Variants in FAT4 observed in about 807,000 individuals in gnomAD.
The protein encoded by FAT4 is FAT atypical cadherin 4, also known as protocadherin Fat 4.
In FAT4, 84 loss-of-function variants were observed where a neutral mutation model predicts 303.9. The ratio of observed to expected loss-of-function variants is 0.28; its 90% CI spans 0.23 to 0.33. The LOEUF is 0.33. Among genes scored for constraint, FAT4 ranks in the 10% least tolerant of loss-of-function variants. The pLI, the probability that FAT4 is intolerant of heterozygous loss-of-function variation, is 1.00. For missense variants in FAT4, 6,005 were observed against 6,146.8 expected, an observed-to-expected ratio of 0.98 and a Z score of 0.77; for synonymous variants, 2,307 against 2,298.8, an observed-to-expected ratio of 1.00 and a Z score of -0.10.
intron 2 of FAT4, among the ~76,000 whole-genome samples, chr4:125,376,975 T>C (rs1733351327): frequency 6.6e-6 from 1 of 152,168 alleles, no homozygotes; most frequent in South Asian, 2.1e-4. Context: ...TTTGCATTTG[T>C]AGGCAGTCAG....
At chr4:125,402,237 A>G (rs545291452) in intron 3 of FAT4, among the ~76,000 whole-genome samples, 5 of 152,072 alleles carry the variant, frequency 3.3e-5, no homozygotes, top group Admixed American at 2.0e-4. Flanking sequence ...ATATCAAACC[A>G]TTTTTGTAAT....
At chr4:125,413,374 T>C (rs1734919012) in intron 5 of FAT4, among the ~76,000 whole-genome samples, 2 of 151,856 alleles carry the variant, frequency 1.3e-5, no homozygotes, top group Non-Finnish European at 3.0e-5. Context: ...AACTTTGTAA[T>C]CTCTTCCTTG....
intron 2 of FAT4, among the ~76,000 whole-genome samples, chr4:125,368,369 G>T (rs1187511324): frequency 6.6e-6 from 1 of 151,718 alleles, no homozygotes; most frequent in East Asian, 1.9e-4. Context: ...ATATGAAAAA[G>T]ACAAAGAAAA....
At chr4:125,434,463 TCATTAAA>T (rs768542998) in intron 8 of FAT4, 38 bp downstream of exon 8, 1 of 1,574,392 alleles carries the variant, frequency 6.4e-7, no homozygotes, top group Non-Finnish European at 8.7e-7. Context: ...GTCTGTTTTC[TCATTAAA>T]CATTAGTTTT....
chr4:125,395,855 A>C (rs1420701769), intron 2 of FAT4, among the ~76,000 whole-genome samples: 2 of 152,154 alleles, frequency 1.3e-5, no homozygotes. Flanking sequence ...TACTAAAGCA[A>C]AAAGAAAGAC....
intron 8 of FAT4, among the ~76,000 whole-genome samples, chr4:125,437,678 T>C (rs1469055414): frequency 6.6e-6 from 1 of 152,184 alleles, no homozygotes; most frequent in Admixed American, 6.6e-5. Context: ...TTTCTTTTAC[T>C]TGTCTTATAC....
intron 7 of FAT4, among the ~76,000 whole-genome samples, chr4:125,430,380 A>G (rs1271636872): frequency 3.9e-5 from 6 of 152,076 alleles, no homozygotes; most frequent in African/African-American, 1.2e-4. Context: ...TGTAAAGCTG[A>G]TTTGGAGGTT....
intron 2 of FAT4, among the ~76,000 whole-genome samples, chr4:125,346,285 C>T (rs1218932101): frequency 6.6e-6 from 1 of 151,950 alleles, no homozygotes; most frequent in Non-Finnish European, 1.5e-5. Flanking sequence ...AAAGCGGTAG[C>T]AGTGTTTTCC....
Position 125,481,534 on chromosome 4 carries a change from C to T in FAT4, c.12618C>T (p.Asp4206=), listed in dbSNP as rs1240642298. The change falls in exon 16 of 18, where the codon GAC becomes GAT. Residue 4206 remains aspartate, a synonymous_variant. Transcript: ENST00000394329. ...GKYCEKSVTP[D]TALSLEGKGR... is the part of the protein sequence containing the mutation. Reference sequence around the variant, plus strand: ...TTTGACTTCCAGCTGTTACTCCTGACACTGCCTTATCATTAGAAGGCAAAG... The same window carrying T: ...TTTGACTTCCAGCTGTTACTCCTGATACTGCCTTATCATTAGAAGGCAAAG... The T allele has an allele frequency of 6.2e-7, 1 of 1,613,892 alleles. No individual in the cohort carries two copies. Among genetic ancestry groups the T allele is most frequent in the Non-Finnish European group, 8.5e-7 (1 of 1,179,866 alleles).
intron 10 of FAT4, among the ~76,000 whole-genome samples, chr4:125,457,105 A>G (rs1726306373): frequency 6.7e-6 from 1 of 148,180 alleles, no homozygotes; most frequent in African/African-American, 2.5e-5. Context: ...GCCACTACCC[A>G]TACCCAGTTT....
At chr4:125,384,741 A>G (rs1283009623) in intron 2 of FAT4, among the ~76,000 whole-genome samples, 1 of 151,862 alleles carries the variant, frequency 6.6e-6, no homozygotes, top group Non-Finnish European at 1.5e-5. Context: ...CATGTAGTGT[A>G]ATTTTGGTTT....
chr4:125,415,538 G>A lies in FAT4; in HGVS notation c.6575G>A (p.Gly2192Asp), dbSNP rs752648220. Residue 2192 changes from glycine to aspartate, a missense_variant, in exon 6 of 18, where the codon GGC becomes GAC. By Grantham distance (94) the Gly-to-Asp change is moderately conservative. Coordinates refer to ENST00000394329, the MANE Select transcript of FAT4 (RefSeq NM_001291303.3). The part of the protein sequence containing the change: ...DEGTNGQVRY[G>D]IVNGNTNQEF... ...GGCACAAATGGACAGGTTCGCTATG[G>A]CATTGTTAATGGTAATACCAATCAG... The A allele has an allele frequency of 1.2e-5, 19 of 1,613,978 alleles. No homozygotes were observed. The African/African-American group carries it at 2.3e-4, about 19-fold the overall frequency.
chr4:125,472,871 C>A (rs1375295698), intron 12 of FAT4, among the ~76,000 whole-genome samples: 1 of 152,044 alleles, frequency 6.6e-6, no homozygotes, highest in Admixed American at 6.6e-5. Context: ...CATTCAGGGT[C>A]CTACCAGGTT....
intron 2 of FAT4, among the ~76,000 whole-genome samples, chr4:125,360,588 C>T (rs181828753): frequency 1.4e-3 from 209 of 152,276 alleles, no homozygotes; most frequent in Non-Finnish European, 2.6e-3. Context: ...TAAACAGTTA[C>T]TGTTCTCAAG....
intron 14 of FAT4, among the ~76,000 whole-genome samples, chr4:125,478,996 C>G (rs545545901): frequency 2.2e-4 from 33 of 152,188 alleles, no homozygotes; most frequent in African/African-American, 7.2e-4. Context: ...AACTATTCTT[C>G]TTCTTGTGCC....
rs747689582 is a variant in FAT4 at position 125,318,826 on chromosome 4, C to A, written c.2415C>A (p.Asn805Lys). 3 of 1,614,134 alleles carry A rather than the reference C, an allele frequency of 1.9e-6. No individual in the cohort carries two copies. The highest frequency in any genetic ancestry group is 2.5e-6 in the Non-Finnish European group (3 of 1,180,040). The change falls in exon 2 of 18, where the codon AAC becomes AAA. Residue 805 changes from asparagine (N) to lysine (K), a missense_variant. By Grantham distance (94) the Asn-to-Lys change is moderately conservative. Transcript: ENST00000394329. ...CCTACAGCTTTGTGGTTTTTGAGAACGTGGCGCTGGGATATCATGTGGGTA... is the reference window on the plus strand; with the variant it reads ...CCTACAGCTTTGTGGTTTTTGAGAAAGTGGCGCTGGGATATCATGTGGGTA... ...QVAYSFVVFE[N>K]VALGYHVGSV...
chr4:125,372,681 A>C (rs1378600839), intron 2 of FAT4, among the ~76,000 whole-genome samples: 1 of 152,170 alleles, frequency 6.6e-6, no homozygotes, highest in Non-Finnish European at 1.5e-5. Flanking sequence ...GTGAATGTTG[A>C]ATGTGGAATA....
intron 2 of FAT4, among the ~76,000 whole-genome samples, chr4:125,352,029 C>T (rs1732244502): frequency 6.6e-6 from 1 of 151,678 alleles, no homozygotes; most frequent in Middle Eastern, 3.4e-3. Flanking sequence ...ATATTATGCC[C>T]TTTGATTTAT....
Position 125,320,600 on chromosome 4 carries a change from A to G in FAT4, c.4189A>G (p.Arg1397Gly), listed in dbSNP as rs1730896957. The G allele has an allele frequency of 6.2e-7, 1 of 1,614,178 alleles. No individual in the cohort carries two copies. The highest frequency in any genetic ancestry group is 8.5e-7 in the Non-Finnish European group (1 of 1,179,982). The change falls in exon 2 of 18, where the codon AGA becomes GGA. Residue 1397 changes from arginine (R) to glycine (G), a missense_variant. Coordinates refer to ENST00000394329, the MANE Select transcript of FAT4 (RefSeq NM_001291303.3). ...KLNITAKDQG[R>G]PPRSSTMSVV... Reference sequence around the variant, plus strand: ...AAATATAACAGCAAAAGACCAAGGAAGACCTCCTCGTTCATCTACAATGTC... The same window carrying G: ...AAATATAACAGCAAAAGACCAAGGAGGACCTCCTCGTTCATCTACAATGTC...
Sources: allele counts gnomAD v4.1 joint callset (sites outside exome capture counted in the v4.1 genomes callset), GRCh38; gene constraint gnomAD v4.1.1; transcripts MANE v1.5; gene names NCBI Gene and HGNC (gene_info 2026-07-23, HGNC 2026-07-21).